The following CUX2 variants were observed in gnomAD, a reference collection of about 807,000 sequenced individuals.
CUX2 encodes the protein homeobox protein cut-like 2.
In CUX2, 40 loss-of-function variants were observed where a neutral mutation model predicts 144.8. The ratio of observed to expected loss-of-function variants is 0.28; its 90% confidence interval spans 0.21 to 0.36. CUX2 has a LOEUF of 0.36. CUX2 is among the 10% of genes least tolerant of loss of function. The pLI, the probability that CUX2 is intolerant of heterozygous loss-of-function variation, is 1.00. For synonymous variants in CUX2, 827 were observed against 875.6 expected, an observed-to-expected ratio of 0.94 and a Z score of 0.98; for missense variants, 1,615 against 1,994.0, an observed-to-expected ratio of 0.81 and a Z score of 3.62.
At chr12:111,260,190 C>T (rs1592893576) in intron 3 of CUX2, among the ~76,000 whole-genome samples, 1 of 151,314 alleles carries the variant, frequency 6.6e-6, no homozygotes, top group Non-Finnish European at 1.5e-5. Flanking sequence ...TATTGCCGGG[C>T]GCGGTGGCTC....
At position 111,190,848 on chromosome 12, in the gene CUX2, G is replaced by C. The variant is rs1879832910; in HGVS notation, c.64-23352G>C. Among the ~76,000 whole-genome samples the C allele has an allele frequency of 6.6e-6, 1 of 152,160 alleles. No individual in the cohort carries two copies. Among genetic ancestry groups the C allele is most frequent in the Admixed American group, 6.5e-5 (1 of 15,276 alleles). ...TTTTAATCTGTGTGCGTTGACTCCT[G>C]CCATGAAACTGACACCCTCCAAGGA... On this transcript the variant is annotated intron_variant, in intron 1 of 21. Transcript: ENST00000261726. This position sits in a 1 kb window ranked among gnomAD's most constrained non-coding sequence, Gnocchi z 4.0.
In CUX2 at chr12:111,321,342, C is replaced by T. The variant is rs568721898; in HGVS notation, c.2766+567C>T. Reference sequence around the variant, plus strand: ...ATTAGCTGGGCTTGGTGTCCTGTGCCGGTATAGTCATGGCTACTTAGGAGA... The same window carrying T: ...ATTAGCTGGGCTTGGTGTCCTGTGCTGGTATAGTCATGGCTACTTAGGAGA... On this transcript the variant is annotated intron_variant, in intron 17 of 21. Coordinates refer to ENST00000261726, the MANE Select transcript of CUX2 (RefSeq NM_015267.4). Among the ~76,000 whole-genome samples, 349 of 151,986 alleles carry T rather than the reference C, an allele frequency of 2.3e-3. 1 individual carries two copies. The highest frequency in any genetic ancestry group is 3.8e-3 in the Non-Finnish European group (261 of 67,962).
intron 1 of CUX2, among the ~76,000 whole-genome samples, chr12:111,078,465 A>G (rs1040537244): frequency 2.6e-5 from 4 of 152,070 alleles, no homozygotes; most frequent in Non-Finnish European, 5.9e-5. Flanking sequence ...TCAGGAGTTC[A>G]AGACCAGCCT....
At chr12:111,150,846 A>G (rs892390156) in intron 1 of CUX2, among the ~76,000 whole-genome samples, 1 of 151,976 alleles carries the variant, frequency 6.6e-6, no homozygotes, top group Admixed American at 6.6e-5. Flanking sequence ...CAAAGACGAG[A>G]GGTCACGTCA....
chr12:111,069,096 C>G (rs1328592167), intron 1 of CUX2, among the ~76,000 whole-genome samples: 1 of 152,044 alleles, frequency 6.6e-6, no homozygotes, highest in East Asian at 1.9e-4. Context: ...CAGAGCAAGA[C>G]TCGGTCTAAA....
chr12:111,050,277 G>T (rs147713395), intron 1 of CUX2, among the ~76,000 whole-genome samples: 37 of 151,746 alleles, frequency 2.4e-4, no homozygotes, highest in African/African-American at 8.9e-4. Context: ...CTCTAATTAT[G>T]TTGGTCCTTT....
At chr12:111,319,976 C>T (rs1298106554) in intron 16 of CUX2, 36 bp from the exon 17 acceptor site, 1 of 1,441,580 alleles carries the variant, frequency 6.9e-7, no homozygotes, top group East Asian at 2.7e-5. Context: ...GAGCCCTGAC[C>T]CTGGGCCTCG....
chr12:111,128,284 C>T (rs1056411565), intron 1 of CUX2, among the ~76,000 whole-genome samples: 9 of 152,180 alleles, frequency 5.9e-5, no homozygotes, highest in Non-Finnish European at 1.2e-4. Flanking sequence ...TTCCCTTCAC[C>T]GCAGTCCTTC....
chr12:111,072,435 C>T (rs1871287834), intron 1 of CUX2, among the ~76,000 whole-genome samples: 1 of 152,210 alleles, frequency 6.6e-6, no homozygotes, highest in Non-Finnish European at 1.5e-5. Flanking sequence ...GCCTCCCTGC[C>T]CCCATGCAGT....
rs1029526222 is a variant in CUX2, at chr12:111,178,975, T to A, written c.64-35225T>A. Among the ~76,000 whole-genome samples, 1 of 152,126 alleles carries A rather than the reference T, an allele frequency of 6.6e-6. No homozygotes were observed. Among genetic ancestry groups the A allele is most frequent in the African/African-American group, 2.4e-5 (1 of 41,414 alleles). ...GGCTGAGAGAGGCCTGGGAGCAGAC[T>A]GTGCAGGACCACACAGGGCCTTTTG... On this transcript the variant is annotated intron_variant, in intron 1 of 21. Transcript: ENST00000261726. This position sits in a 1 kb window ranked among gnomAD's most constrained non-coding sequence, Gnocchi z 5.7.
rs930333535 is a variant in CUX2, at chr12:111,039,853, C to T, written c.63+5613C>T. On this transcript the variant is annotated intron_variant, in intron 1 of 21. Transcript: ENST00000261726. This position sits in a 1 kb window ranked among gnomAD's most constrained non-coding sequence, Gnocchi z 4.2. Reference sequence around the variant, plus strand: ...CCTCCCCTTCTTTCTCCATCATGGTCGTGGTGGTGGGGCTATTGACCTTTT... The same window carrying T: ...CCTCCCCTTCTTTCTCCATCATGGTTGTGGTGGTGGGGCTATTGACCTTTT... Among the ~76,000 whole-genome samples the T allele has an allele frequency of 6.6e-6, 1 of 152,090 alleles. No homozygotes were observed. The highest frequency in any genetic ancestry group is 2.4e-5 in the African/African-American group (1 of 41,398).
chr12:111,044,423 CT>C (rs1297315639), intron 1 of CUX2, among the ~76,000 whole-genome samples: 5 of 152,020 alleles, frequency 3.3e-5, no homozygotes, highest in African/African-American at 1.2e-4. Flanking sequence ...CTGTGGCCTC[CT>C]TGCTGTGCCT....
intron 1 of CUX2, among the ~76,000 whole-genome samples, chr12:111,121,878 T>C (rs1874719059): frequency 1.3e-5 from 2 of 151,832 alleles, no homozygotes; most frequent in South Asian, 4.2e-4. Context: ...CTTAGGTAAC[T>C]GTTCAAGAGC....
chr12:111,054,942 A>G (rs745313565), intron 1 of CUX2, among the ~76,000 whole-genome samples: 33 of 152,058 alleles, frequency 2.2e-4, no homozygotes, highest in East Asian at 1.9e-4. Flanking sequence ...CACTCTTAAT[A>G]TTCCCATTTT....
intron 4 of CUX2, among the ~76,000 whole-genome samples, chr12:111,286,397 T>G (rs1885383675): frequency 6.6e-6 from 1 of 152,134 alleles, no homozygotes; most frequent in Non-Finnish European, 1.5e-5. Context: ...GATCCCTAAA[T>G]CACTACTGCC....
chr12:111,204,370 G>A (rs114415567), intron 1 of CUX2, among the ~76,000 whole-genome samples: 1,568 of 152,278 alleles, frequency 0.01, 34 homozygotes, highest in African/African-American at 0.036. Flanking sequence ...CTCCATGTGC[G>A]CAGGACCTGG....
chr12:111,319,414 A>G (rs1305356347), intron 16 of CUX2, among the ~76,000 whole-genome samples: 2 of 152,104 alleles, frequency 1.3e-5, no homozygotes, highest in South Asian at 2.1e-4. Flanking sequence ...TTGTCTTTGA[A>G]CATTTACATG....
intron 1 of CUX2, among the ~76,000 whole-genome samples, chr12:111,159,720 C>T (rs140729374): frequency 6.6e-6 from 1 of 152,128 alleles, no homozygotes; most frequent in Admixed American, 6.6e-5. Context: ...GCAAGTGCAG[C>T]CCTATTTAAA....
intron 1 of CUX2, among the ~76,000 whole-genome samples, chr12:111,116,790 T>TTTTC: frequency 6.6e-6 from 1 of 152,100 alleles, no homozygotes; most frequent in African/African-American, 2.4e-5. Flanking sequence ...GGAAAAAAAA[T>TTTTC]CTAACTTTAT....
Sources: allele counts gnomAD v4.1 joint callset (sites outside exome capture counted in the v4.1 genomes callset), GRCh38; gene constraint gnomAD v4.1.1; non-coding constraint Gnocchi (gnomAD v3.1); transcripts MANE v1.5; gene names NCBI Gene and HGNC (gene_info 2026-07-23, HGNC 2026-07-21).